SGCD: variants seen among roughly 807,000 people sequenced by gnomAD.
SGCD encodes the protein sarcoglycan delta.
A neutral mutation model predicts 36.6 loss-of-function variants in SGCD; 18 were observed. That is an observed-to-expected ratio of 0.49 (90% CI 0.34 to 0.73). SGCD has a LOEUF of 0.73. SGCD is among the 30% of genes least tolerant of loss of function. The pLI is 0.01. For missense variants in SGCD, 387 were observed against 346.7 expected (o/e 1.12, Z -0.92); for synonymous variants, 133 against 130.6 (o/e 1.02, Z -0.12).
intron 1 of SGCD, among the ~76,000 whole-genome samples, chr5:155,999,992 T>C (rs1758631626): frequency 6.6e-6 from 1 of 152,236 alleles, no homozygotes; most frequent in South Asian, 2.1e-4. Flanking sequence ...ATCTTCATAA[T>C]GATTTGAAAG....
intron 1 of SGCD, among the ~76,000 whole-genome samples, chr5:155,933,791 T>C (rs1374854611): frequency 6.6e-6 from 1 of 152,266 alleles, no homozygotes; most frequent in Non-Finnish European, 1.5e-5. Flanking sequence ...GCCTTTGCTA[T>C]AATGTGTTTA....
intron 1 of SGCD, among the ~76,000 whole-genome samples, chr5:155,968,441 T>C (rs964304602): frequency 3.9e-5 from 6 of 152,106 alleles, no homozygotes; most frequent in Non-Finnish European, 4.4e-5. Context: ...CAGTCAACCA[T>C]GGTCCAAAAA....
At chr5:155,950,315 T>G (rs1166252395) in intron 1 of SGCD, among the ~76,000 whole-genome samples, 1 of 152,162 alleles carries the variant, frequency 6.6e-6, no homozygotes, top group Non-Finnish European at 1.5e-5. Context: ...CTAGAAATAG[T>G]CAAGAGAGTC....
At chr5:155,935,665 G>A (rs764446662) in intron 1 of SGCD, among the ~76,000 whole-genome samples, 2 of 152,210 alleles carry the variant, frequency 1.3e-5, no homozygotes, top group Non-Finnish European at 2.9e-5. Flanking sequence ...GAGGACAAGA[G>A]GGAACGCTCA....
intron 3 of SGCD, among the ~76,000 whole-genome samples, chr5:156,222,458 A>G (rs1166180138): frequency 6.6e-6 from 1 of 152,082 alleles, no homozygotes; most frequent in Non-Finnish European, 1.5e-5. Context: ...CTTATATCTG[A>G]CATCTTCCAT....
chr5:156,115,473 C>T (rs1018737453), intron 1 of SGCD, among the ~76,000 whole-genome samples: 1 of 151,946 alleles, frequency 6.6e-6, no homozygotes, highest in Non-Finnish European at 1.5e-5. Context: ...GAGCAAATTC[C>T]CACCCATAGT....
At chr5:156,214,836 C>T (rs532192330) in intron 3 of SGCD, among the ~76,000 whole-genome samples, 17 of 152,060 alleles carry the variant, frequency 1.1e-4, no homozygotes, top group African/African-American at 3.6e-4. Flanking sequence ...GCCAAGAACA[C>T]ACAATGGGGA....
intron 7 of SGCD, among the ~76,000 whole-genome samples, chr5:156,667,080 C>T (rs1753076600): frequency 6.6e-6 from 1 of 152,212 alleles, no homozygotes; most frequent in Non-Finnish European, 1.5e-5. Flanking sequence ...AGGAAATACT[C>T]ATTGGAGCAT....
At chr5:155,780,815 G>C in the SGCD span, among the ~76,000 whole-genome samples, 1 of 152,262 alleles carries the variant, frequency 6.6e-6, no homozygotes, top group East Asian at 1.9e-4. Context: ...CCTCTCATTT[G>C]ATGGGAATAA....
intron 3 of SGCD, among the ~76,000 whole-genome samples, chr5:156,496,467 C>A (rs527751524): frequency 1.3e-5 from 2 of 152,098 alleles, no homozygotes; most frequent in East Asian, 3.9e-4. Flanking sequence ...AACTTTTAAG[C>A]CAGACTCGAC....
At chr5:156,373,842 G>T (rs750112691) in intron 3 of SGCD, among the ~76,000 whole-genome samples, 34 of 151,718 alleles carry the variant, frequency 2.2e-4, no homozygotes, top group Non-Finnish European at 4.9e-4. Context: ...GTTTGGGTTT[G>T]TATTATGTTT....
At chr5:155,772,108 A>G in the SGCD span, among the ~76,000 whole-genome samples, 1 of 152,132 alleles carries the variant, frequency 6.6e-6, no homozygotes, top group African/African-American at 2.4e-5. Flanking sequence ...GGCAGTAGGT[A>G]CTACAGGGTC....
rs1441136874 is a variant in SGCD, at chr5:156,152,063, A to G, written c.-44+28044A>G. Among the ~76,000 whole-genome samples, 3 of 151,572 alleles carry G rather than the reference A, an allele frequency of 2.0e-5. No individual in the cohort carries two copies. The South Asian group carries it at 6.2e-4, about 31-fold the overall frequency. On this transcript the variant is annotated intron_variant, in intron 3 of 9. Coordinates refer to the SGCD transcript ENST00000517913. ...CAAGTACATGGGAGATACTTTTTTG[A>G]AAATGGTCTTAAAAAAAAATGAAAC...
intron 3 of SGCD, among the ~76,000 whole-genome samples, chr5:156,501,719 C>T (rs751402885): frequency 3.3e-5 from 5 of 152,130 alleles, no homozygotes; most frequent in Non-Finnish European, 7.3e-5. Flanking sequence ...TTTGAAAACT[C>T]CTATTCTGAG....
At chr5:156,129,760 G>A (rs1231630731) in intron 3 of SGCD, among the ~76,000 whole-genome samples, 1 of 152,162 alleles carries the variant, frequency 6.6e-6, no homozygotes, top group Non-Finnish European at 1.5e-5. Context: ...CTGTTCCTGT[G>A]TTGGTTTGCT....
chr5:156,503,078 A>G (rs1438948263), intron 3 of SGCD, among the ~76,000 whole-genome samples: 1 of 152,246 alleles, frequency 6.6e-6, no homozygotes, highest in Non-Finnish European at 1.5e-5. Flanking sequence ...GTTAGCTGCC[A>G]TAAGATGTAT....
chr5:156,365,676 A>G (rs975436028), intron 3 of SGCD, among the ~76,000 whole-genome samples: 4 of 152,194 alleles, frequency 2.6e-5, no homozygotes, highest in African/African-American at 7.2e-5. Context: ...ATGCATAAAT[A>G]TGCCCATAAA....
chr5:155,994,893 C>T (rs58735899), intron 1 of SGCD, among the ~76,000 whole-genome samples: 6,878 of 152,134 alleles, frequency 0.045, 540 homozygotes, highest in African/African-American at 0.16. Context: ...TCCTGGTATT[C>T]CTGTGGGTGC....
chr5:156,484,920 C>T (rs1441750685), intron 3 of SGCD, among the ~76,000 whole-genome samples: 3 of 152,076 alleles, frequency 2.0e-5, no homozygotes, highest in Non-Finnish European at 4.4e-5. Context: ...TTCCCACTGG[C>T]CAATTCATAT....
Sources: allele counts gnomAD v4.1 joint callset (sites outside exome capture counted in the v4.1 genomes callset), GRCh38; gene constraint gnomAD v4.1.1; transcripts MANE v1.5; gene names NCBI Gene and HGNC (gene_info 2026-07-23, HGNC 2026-07-21).